ZNF814: variants seen among roughly 807,000 people sequenced by gnomAD.
The protein encoded by ZNF814 is zinc finger protein 814.
In ZNF814, 5 loss-of-function variants were observed where a neutral mutation model predicts 7.5. That is an observed-to-expected ratio of 0.67 (90% CI 0.35 to 1.40). The LOEUF (loss-of-function observed/expected upper bound fraction) is 1.40, where lower values mean the gene tolerates loss of function less well. ZNF814 is among the 40% of genes most tolerant of loss of function. The pLI is 0.04. For missense variants in ZNF814, 962 were observed against 1,018.0 expected, an observed-to-expected ratio of 0.94 and a Z score of 0.75; for synonymous variants, 315 against 340.7, an observed-to-expected ratio of 0.92 and a Z score of 0.83.
the ZNF814 span, among the ~76,000 whole-genome samples, chr19:57,898,445 T>G: frequency 8.5e-5 from 13 of 152,176 alleles, 1 homozygote; most frequent in Non-Finnish European, 1.8e-4. Flanking sequence ...TCGAACCGCA[T>G]TAGGGTATCA....
chr19:57,887,683 C>G (rs1316817851), intron 1 of ZNF814, among the ~76,000 whole-genome samples: 3 of 152,178 alleles, frequency 2.0e-5, no homozygotes, highest in African/African-American at 7.2e-5. Context: ...ACCCACCCCC[C>G]TTTCCTCAAG....
At chr19:57,896,658 T>C in the ZNF814 span, among the ~76,000 whole-genome samples, 1 of 152,332 alleles carries the variant, frequency 6.6e-6, no homozygotes, top group South Asian at 2.1e-4. The surrounding 1 kb of genome is among the most constrained non-coding windows in gnomAD (Gnocchi z 4.2). Context: ...ATATAGCTAG[T>C]TGGGCCACAT....
chr19:57,893,666 C>T (rs2071743909), upstream of ZNF814, among the ~76,000 whole-genome samples: 1 of 152,016 alleles, frequency 6.6e-6, no homozygotes, highest in South Asian at 2.1e-4. Flanking sequence ...TGCCTGTAAT[C>T]CCAGCTCTTT....
chr19:57,889,589 T>A (rs1258965902), upstream of ZNF814, among the ~76,000 whole-genome samples: 1 of 149,888 alleles, frequency 6.7e-6, no homozygotes, highest in Non-Finnish European at 1.5e-5. Context: ...AAGGGCCAGG[T>A]GCGGGCGGCT....
At chr19:57,889,425 G>A (rs907251753), upstream of ZNF814, among the ~76,000 whole-genome samples, 26 of 152,126 alleles carry the variant, frequency 1.7e-4, no homozygotes, top group Non-Finnish European at 5.9e-5. Context: ...CGGGCCTGTG[G>A]TCCCAGCTGC....
chr19:57,903,443 A>T, the ZNF814 span, among the ~76,000 whole-genome samples: 1 of 152,254 alleles, frequency 6.6e-6, no homozygotes, highest in Non-Finnish European at 1.5e-5. Context: ...AGAAACTAGA[A>T]TTCAAATGCA....
At chr19:57,884,955 T>A (rs2071677458) in intron 1 of ZNF814, among the ~76,000 whole-genome samples, 1 of 152,196 alleles carries the variant, frequency 6.6e-6, no homozygotes. Flanking sequence ...TGCACTCCCA[T>A]GTTTGCTGCA....
chr19:57,885,789 C>T (rs750696408), intron 1 of ZNF814: 1 of 151,148 alleles, frequency 6.6e-6, no homozygotes, highest in East Asian at 1.9e-4. Flanking sequence ...TTTTAAATAA[C>T]AAAAAGAGTA....
chr19:57,873,005 A>G lies in ZNF814; in HGVS notation c.2385T>C (p.Thr795=). 1 of 1,613,958 alleles carries G rather than the reference A, an allele frequency of 6.2e-7. No individual in the cohort carries two copies. The change falls in exon 3 of 3, where the codon ACT becomes ACC. Residue 795 remains threonine (T), a synonymous_variant. Coordinates refer to ENST00000435989, the MANE Select transcript of ZNF814 (RefSeq NM_001144989.2). ...CACTGCACTCATAAGGCTTTTCTCC[A>G]GTGTGAACTCTTTTGTGTTTTGTGA... ...SSFTKHKRVH[T]GEKPYECSEC... is the part of the protein sequence containing the mutation.
At chr19:57,901,047 A>ACTGTGTTAGC in the ZNF814 span, among the ~76,000 whole-genome samples, 3 of 150,856 alleles carry the variant, frequency 2.0e-5, no homozygotes, top group African/African-American at 7.4e-5. Flanking sequence ...ACGGGGTTTC[A>ACTGTGTTAGC]CCGTGGTCTT....
rs747886328 is a variant in ZNF814, at chr19:57,873,695, T to C, written c.1695A>G (p.Leu565=). ...KSFSHKGTLI[L]HQRVHPRERS... ...TTTCTCTAGGGTGAACTCGCTGATG[T>C]AGAATGAGGGTGCCTTTATGACTAA... Residue 565 remains leucine (L), a synonymous_variant, in exon 3 of 3, where the codon CTA becomes CTG. Transcript: ENST00000435989. The C allele has an allele frequency of 2.8e-5, 45 of 1,613,214 alleles. No homozygotes were observed. Among genetic ancestry groups the C allele is most frequent in the Non-Finnish European group, 3.6e-5 (43 of 1,179,780 alleles).
chr19:57,904,565 C>G, the ZNF814 span, among the ~76,000 whole-genome samples: 1 of 152,182 alleles, frequency 6.6e-6, no homozygotes, highest in African/African-American at 2.4e-5. Flanking sequence ...GTATCTGTCC[C>G]TGGGACAGCA....
At chr19:57,878,442 A>G (rs112080905) in intron 1 of ZNF814, among the ~76,000 whole-genome samples, 17,074 of 151,492 alleles carry the variant, frequency 0.11, 1,201 homozygotes, top group East Asian at 0.15. Flanking sequence ...GAAAGGCTTC[A>G]GAGGCTAGGA....
the ZNF814 span, among the ~76,000 whole-genome samples, chr19:57,898,496 C>G: frequency 1.3e-5 from 2 of 152,202 alleles, no homozygotes; most frequent in Admixed American, 6.5e-5. Context: ...GCTCCCATTC[C>G]TCTTGTTTGG....
upstream of ZNF814, among the ~76,000 whole-genome samples, chr19:57,891,253 C>T (rs780640511): frequency 3.3e-5 from 5 of 152,086 alleles, no homozygotes; most frequent in Non-Finnish European, 7.4e-5. Flanking sequence ...GGGCCAGGCG[C>T]GGTGGCTCAC....
Position 57,872,762 on chromosome 19 carries a change from A to T in ZNF814, c.*60T>A. ...TTCATATGGCCTTTCTCCAGTGTGA[A>T]CTCTCTGGTGTGCAATGAGGTGGTC... On this transcript the variant is annotated 3_prime_UTR_variant, in exon 3 of 3. Coordinates refer to ENST00000435989, the MANE Select transcript of ZNF814 (RefSeq NM_001144989.2). 1.2e-6 allele frequency: 2 copies of T among 1,607,342 alleles called. No individual in the cohort carries two copies. Among genetic ancestry groups the T allele is most frequent in the South Asian group, 2.2e-5 (2 of 90,130 alleles).
chr19:57,899,751 T>C, the ZNF814 span, among the ~76,000 whole-genome samples: 1 of 152,342 alleles, frequency 6.6e-6, no homozygotes, highest in South Asian at 2.1e-4. Flanking sequence ...AACATTCACC[T>C]ACAGGAGTTA....
chr19:57,876,764 G>A, intron 2 of ZNF814, 152 bp downstream of exon 2: 2 of 1,301,660 alleles, frequency 1.5e-6, no homozygotes, highest in Non-Finnish European at 2.1e-6. Flanking sequence ...AGGGCAGTAT[G>A]TACACCTCAG....
At chr19:57,889,511 G>C (rs559225732), upstream of ZNF814, among the ~76,000 whole-genome samples, 6 of 152,128 alleles carry the variant, frequency 3.9e-5, no homozygotes, top group Non-Finnish European at 8.8e-5. Flanking sequence ...GCTGCTGTAA[G>C]CCGAGATCGT....
Sources: allele counts gnomAD v4.1 joint callset (sites outside exome capture counted in the v4.1 genomes callset), GRCh38; gene constraint gnomAD v4.1.1; non-coding constraint Gnocchi (gnomAD v3.1); transcripts MANE v1.5; gene names NCBI Gene and HGNC (gene_info 2026-07-23, HGNC 2026-07-21).